The following GNG12 variants were observed in gnomAD, a reference collection of about 807,000 sequenced individuals.
GNG12 encodes the protein G protein subunit gamma 12.
For synonymous variants in GNG12, 28 were observed against 29.7 expected, an observed-to-expected ratio of 0.94 and a Z score of 0.19; for missense variants, 69 against 83.8, an observed-to-expected ratio of 0.82 and a Z score of 0.69.
rs184476856 is a variant in GNG12, at chr1:67,707,172, C to T, written c.93+422G>A. 7.8e-3 allele frequency among the ~76,000 whole-genome samples: 1,191 copies of T among 152,280 alleles called. 7 individuals are homozygous for T. Among genetic ancestry groups the T allele is most frequent in the Middle Eastern group, 0.034 (10 of 294 alleles). On this transcript the variant is annotated intron_variant, in intron 3 of 3. Transcript: ENST00000370982. ...CAAACACATTTAAAAGCTTCATTTCCCTAAAAAGGAAACCTAGACTGCTGA... is the reference window on the plus strand; with the variant it reads ...CAAACACATTTAAAAGCTTCATTTCTCTAAAAAGGAAACCTAGACTGCTGA...
At chr1:67,800,493 TCAGGTGAAAAGATGG>T (rs1646858502) in intron 1 of GNG12, among the ~76,000 whole-genome samples, 1 of 152,194 alleles carries the variant, frequency 6.6e-6, no homozygotes. Flanking sequence ...AAAAGCAGTG[TCAGGTGAAAAGATGG>T]CAGGTTCAAC....
At chr1:67,713,268 C>T (rs1646306953) in intron 2 of GNG12, among the ~76,000 whole-genome samples, 1 of 152,214 alleles carries the variant, frequency 6.6e-6, no homozygotes, top group Non-Finnish European at 1.5e-5. Flanking sequence ...TCGGATAACA[C>T]TCTGGCTATC....
At chr1:67,756,754 A>G (rs1646571534) in intron 2 of GNG12, among the ~76,000 whole-genome samples, 1 of 152,110 alleles carries the variant, frequency 6.6e-6, no homozygotes, top group South Asian at 2.1e-4. Flanking sequence ...AAGGGGTCAT[A>G]CCTCTTTGAC....
At chr1:67,709,934 AGT>A (rs1557591923) in intron 2 of GNG12, among the ~76,000 whole-genome samples, 2 of 32,120 alleles carry the variant, frequency 6.2e-5, no homozygotes, top group Non-Finnish European at 1.1e-4. Flanking sequence ...TTATATATAT[AGT>A]TATATATATA....
In GNG12 at chr1:67,711,492, T is replaced by C. The variant is rs954460459; in HGVS notation, c.-26-3780A>G. ...AGTTATGGGAGGTAAGGGGAAGAGATAAATGGTGAATAAAGGTGGTTTTCT... is the reference window on the plus strand; with the variant it reads ...AGTTATGGGAGGTAAGGGGAAGAGACAAATGGTGAATAAAGGTGGTTTTCT... On this transcript the variant is annotated intron_variant, in intron 2 of 3. Transcript: ENST00000370982. Among the ~76,000 whole-genome samples, 9 of 151,830 alleles carry C rather than the reference T, an allele frequency of 5.9e-5. No homozygotes were observed. In the East Asian group the frequency reaches 1.7e-3, roughly 29 times the overall value.
intron 1 of GNG12, among the ~76,000 whole-genome samples, chr1:67,825,267 G>C (rs1276291220): frequency 6.6e-6 from 1 of 152,204 alleles, no homozygotes; most frequent in Non-Finnish European, 1.5e-5. Context: ...GAAGATAGCT[G>C]CATTTAACCA....
intron 2 of GNG12, among the ~76,000 whole-genome samples, chr1:67,747,586 C>T (rs1051808357): frequency 2.6e-5 from 4 of 152,118 alleles, no homozygotes; most frequent in African/African-American, 9.7e-5. Context: ...TGAAATTGGG[C>T]TATTTTAAAA....
intron 1 of GNG12, among the ~76,000 whole-genome samples, chr1:67,811,670 G>T (rs1646926592): frequency 6.6e-6 from 1 of 152,050 alleles, no homozygotes; most frequent in South Asian, 2.1e-4. Context: ...ACTGCCTGTT[G>T]CCCAGAGCAA....
At chr1:67,760,180 T>C (rs962900481) in intron 2 of GNG12, among the ~76,000 whole-genome samples, 2 of 152,204 alleles carry the variant, frequency 1.3e-5, no homozygotes, top group Non-Finnish European at 2.9e-5. Context: ...CCCTGTGACG[T>C]TCCAGTGAGT....
intron 1 of GNG12, among the ~76,000 whole-genome samples, chr1:67,790,242 ATTGTAATAT>A (rs1646793925): frequency 6.6e-6 from 1 of 152,136 alleles, no homozygotes; most frequent in African/African-American, 2.4e-5. Flanking sequence ...TGCTGCCTCT[ATTGTAATAT>A]TAGTTTGCAC....
At chr1:67,789,391 G>T (rs1053623528) in intron 1 of GNG12, among the ~76,000 whole-genome samples, 1 of 151,930 alleles carries the variant, frequency 6.6e-6, no homozygotes, top group Non-Finnish European at 1.5e-5. Flanking sequence ...TATTTGAATG[G>T]AACTATATTA....
At chr1:67,825,293 G>A (rs941950075) in intron 1 of GNG12, among the ~76,000 whole-genome samples, 21 of 152,180 alleles carry the variant, frequency 1.4e-4, no homozygotes, top group Non-Finnish European at 1.2e-4. Context: ...AATGTGAAAG[G>A]CATTCACGTT....
intron 2 of GNG12, among the ~76,000 whole-genome samples, chr1:67,718,447 G>A (rs1320042149): frequency 6.6e-6 from 1 of 151,676 alleles, no homozygotes; most frequent in Non-Finnish European, 1.5e-5. Context: ...AATGTTTTTT[G>A]TACTAAACCT....
At chr1:67,750,815 T>G (rs777157304) in intron 2 of GNG12, among the ~76,000 whole-genome samples, 1 of 152,206 alleles carries the variant, frequency 6.6e-6, no homozygotes, top group Admixed American at 6.5e-5. Context: ...TGCCAGTATA[T>G]GTGCAGGATA....
intron 2 of GNG12, among the ~76,000 whole-genome samples, chr1:67,714,368 C>T (rs774716382): frequency 2.0e-5 from 3 of 152,190 alleles, no homozygotes; most frequent in Non-Finnish European, 4.4e-5. Context: ...TCACTCCCGT[C>T]CTGCCACTTC....
At chr1:67,706,441 C>T (rs1464458544) in intron 3 of GNG12, among the ~76,000 whole-genome samples, 1 of 152,116 alleles carries the variant, frequency 6.6e-6, no homozygotes, top group African/African-American at 2.4e-5. Flanking sequence ...CTTACTCCCG[C>T]ATGAATTAAA....
chr1:67,806,818 C>G (rs190189506), intron 1 of GNG12, among the ~76,000 whole-genome samples: 1 of 152,184 alleles, frequency 6.6e-6, no homozygotes, highest in Non-Finnish European at 1.5e-5. Flanking sequence ...ACAAATAGAT[C>G]AATCCACCAT....
At chr1:67,831,598 T>G (rs1647045354) in intron 1 of GNG12, among the ~76,000 whole-genome samples, 2 of 152,150 alleles carry the variant, frequency 1.3e-5, no homozygotes, top group Admixed American at 1.3e-4. Context: ...TTTCAGCATT[T>G]TTTGGACTTA....
chr1:67,826,669 G>A (rs1263249383), intron 1 of GNG12, among the ~76,000 whole-genome samples: 9 of 152,296 alleles, frequency 5.9e-5, no homozygotes, highest in African/African-American at 2.2e-4. Context: ...GTTAAACTTG[G>A]TATGATGATG....
Sources: allele counts gnomAD v4.1 joint callset (sites outside exome capture counted in the v4.1 genomes callset), GRCh38; gene constraint gnomAD v4.1.1; transcripts MANE v1.5; gene names NCBI Gene and HGNC (gene_info 2026-07-23, HGNC 2026-07-21).